Variants in IL12RB1 observed in about 807,000 individuals in gnomAD.
IL12RB1 encodes the protein interleukin 12 receptor subunit beta 1, also known as interleukin-12 receptor subunit beta-1.
A neutral mutation model predicts 94.4 loss-of-function variants in IL12RB1; 64 were observed. The observed-to-expected ratio is 0.68, with a 90% CI of 0.55 to 0.83. The LOEUF (loss-of-function observed/expected upper bound fraction) is 0.83. IL12RB1 is among the 40% of genes least tolerant of loss of function. The pLI, the probability that IL12RB1 is intolerant of heterozygous loss-of-function variation, is 0.00. For missense variants in IL12RB1, 814 were observed against 855.6 expected, an observed-to-expected ratio of 0.95 and a Z score of 0.61; for synonymous variants, 362 against 355.5, an observed-to-expected ratio of 1.02 and a Z score of -0.21.
intron 8 of IL12RB1, among the ~76,000 whole-genome samples, chr19:18,072,814 G>C (rs2035163269): frequency 6.6e-6 from 1 of 151,902 alleles, no homozygotes; most frequent in Non-Finnish European, 1.5e-5. Context: ...CGGCATGGTG[G>C]TGGGCGCCTG....
Position 18,062,221 on chromosome 19 carries a change from T to G in IL12RB1, c.1675A>C (p.Ile559Leu). The G allele has an allele frequency of 1.2e-6, 2 of 1,613,272 alleles. No individual in the cohort carries two copies. Among genetic ancestry groups the G allele is most frequent in the Non-Finnish European group, 1.7e-6 (2 of 1,179,552 alleles). ...TAGCCAAGGACGCCCACGAGAAGGA[T>G]GCTCAGGAAGCTCCCCAGGGAGGCG... ...FFASLGSFLSILLVGVLGYLG... is the reference protein window; with the variant it reads ...FFASLGSFLSLLLVGVLGYLG... Residue 559 changes from isoleucine (I) to leucine (L), a missense_variant, in exon 14 of 17, where the codon ATC becomes CTC. Coordinates refer to ENST00000593993, the MANE Select transcript of IL12RB1 (RefSeq NM_005535.3).
Position 18,061,203 on chromosome 19 carries a change from G to A in IL12RB1, c.1716-6C>T. On this transcript the variant is annotated splice_region_variant and splice_polypyrimidine_tract_variant and intron_variant, in intron 14 of 16. Coordinates refer to ENST00000593993, the MANE Select transcript of IL12RB1 (RefSeq NM_005535.3). Reference sequence around the variant, plus strand: ...GGCACAGGTGCCGTGCGGCCCTGGGGAGGAAAGGGGACCAGTGAGAGGAGC... The same window carrying A: ...GGCACAGGTGCCGTGCGGCCCTGGGAAGGAAAGGGGACCAGTGAGAGGAGC... 1 of 1,525,668 alleles carries A rather than the reference G, an allele frequency of 6.6e-7. No individual in the cohort carries two copies. The highest frequency in any genetic ancestry group is 1.2e-5 in the South Asian group (1 of 84,462). The allele number at this position is 1,525,668 out of a possible 1,614,324, so 94.5% of individuals were successfully genotyped here.
intron 1 of IL12RB1, among the ~76,000 whole-genome samples, chr19:18,098,434 G>A (rs1441441375): frequency 2.0e-5 from 3 of 152,112 alleles, no homozygotes; most frequent in Non-Finnish European, 4.4e-5. Context: ...GTGTGACCTG[G>A]GGGGAGGGCA....
intron 1 of IL12RB1, among the ~76,000 whole-genome samples, chr19:18,096,249 A>T (rs2036921566): frequency 6.6e-6 from 1 of 151,986 alleles, no homozygotes; most frequent in African/African-American, 2.4e-5. Context: ...CTCAAAAAAA[A>T]AATTTTTTTT....
chr19:18,091,290 C>A (rs949381252), upstream of IL12RB1, among the ~76,000 whole-genome samples: 1 of 152,206 alleles, frequency 6.6e-6, no homozygotes, highest in Non-Finnish European at 1.5e-5. Flanking sequence ...CCCCTTATGG[C>A]CCCACCCAGC....
chr19:18,059,637 T>G (rs1378270961), intron 16 of IL12RB1, 24 bp from the exon 17 acceptor site: 1 of 780,532 alleles, frequency 1.3e-6, no homozygotes, highest in Non-Finnish European at 2.4e-6. Context: ...CAGTCATGGT[T>G]CCTTTCAGGG....
intron 3 of IL12RB1, among the ~76,000 whole-genome samples, chr19:18,081,940 C>A (rs915810692): frequency 8.6e-5 from 13 of 151,824 alleles, no homozygotes; most frequent in African/African-American, 3.1e-4. Flanking sequence ...CTAGAGAGAC[C>A]CTCATGGCCA....
chr19:18,088,656 T>C (rs1419292288), upstream of IL12RB1, among the ~76,000 whole-genome samples: 1 of 151,278 alleles, frequency 6.6e-6, no homozygotes, highest in Non-Finnish European at 1.5e-5. Context: ...TTCCTGCCCC[T>C]CCCTCCCCAC....
upstream of IL12RB1, among the ~76,000 whole-genome samples, chr19:18,088,872 A>G (rs549018930): frequency 3.9e-5 from 6 of 152,190 alleles, no homozygotes; most frequent in African/African-American, 1.4e-4. Flanking sequence ...TCTACTAAAA[A>G]TACAAAAATT....
chr19:18,066,492 G>GC (rs1337637615), intron 12 of IL12RB1, 50 bp downstream of exon 12: 1 of 1,341,658 alleles, frequency 7.5e-7, no homozygotes, highest in East Asian at 2.3e-5. Flanking sequence ...GAGATCACAG[G>GC]CCAGGATCCT....
chr19:18,097,692 G>T, intron 1 of IL12RB1: 1 of 723,256 alleles, frequency 1.4e-6, no homozygotes, highest in Non-Finnish European at 1.8e-6. Flanking sequence ...GGCGGGGCCA[G>T]GCCGTGTCAG....
At chr19:18,083,987 T>TCATC (rs1364909229) in intron 1 of IL12RB1, among the ~76,000 whole-genome samples, 2 of 122,344 alleles carry the variant, frequency 1.6e-5, no homozygotes, top group Non-Finnish European at 3.3e-5. Flanking sequence ...ATCCATGTAT[T>TCATC]CATCCATCCA....
At chr19:18,062,388 T>C (rs2034205934) in intron 13 of IL12RB1, 111 bp from the exon 14 acceptor site, 2 of 632,078 alleles carry the variant, frequency 3.2e-6, no homozygotes, top group South Asian at 3.9e-5. Flanking sequence ...CTGGTGCACA[T>C]GCCACGGGCT....
At chr19:18,087,210 A>AT (rs10640856), upstream of IL12RB1, among the ~76,000 whole-genome samples, 9,698 of 135,478 alleles carry the variant, frequency 0.072, 1,152 homozygotes, top group African/African-American at 0.24. Flanking sequence ...TCTCTAGCCA[A>AT]TTTTTTTTTT....
chr19:18,079,621 G>T (rs959832061), intron 4 of IL12RB1, among the ~76,000 whole-genome samples: 10 of 151,484 alleles, frequency 6.6e-5, no homozygotes, highest in South Asian at 2.1e-4. Context: ...GATTATACAT[G>T]TAAGTGGGAT....
chr19:18,084,199 G>A (rs979449296), intron 1 of IL12RB1, among the ~76,000 whole-genome samples: 5 of 127,126 alleles, frequency 3.9e-5, no homozygotes, highest in South Asian at 2.6e-4. Flanking sequence ...ATCCATCCAC[G>A]TATTCATACA....
chr19:18,093,725 AG>A (rs1188016576), intron 1 of IL12RB1, among the ~76,000 whole-genome samples: 9 of 152,094 alleles, frequency 5.9e-5, no homozygotes, highest in Non-Finnish European at 1.5e-5. Flanking sequence ...GGCTGGACTA[AG>A]GGAGAACTTT....
intron 8 of IL12RB1, among the ~76,000 whole-genome samples, chr19:18,073,002 T>G (rs1057024537): frequency 7.0e-6 from 1 of 142,608 alleles, no homozygotes; most frequent in Non-Finnish European, 1.5e-5. Context: ...TAGAGGAACA[T>G]AGGAAATAAA....
chr19:18,083,579 T>C, intron 1 of IL12RB1, 88 bp from the exon 2 acceptor site: 2 of 1,294,042 alleles, frequency 1.5e-6, no homozygotes, highest in South Asian at 1.2e-5. Context: ...ACCCAAGTGA[T>C]CATCAGCCCT....
Sources: allele counts gnomAD v4.1 joint callset (sites outside exome capture counted in the v4.1 genomes callset), GRCh38; gene constraint gnomAD v4.1.1; transcripts MANE v1.5; gene names NCBI Gene and HGNC (gene_info 2026-07-23, HGNC 2026-07-21).